ALCAM: variants seen among roughly 807,000 people sequenced by gnomAD.
ALCAM encodes CD166 antigen.
ALCAM carries 30 observed loss-of-function variants against 70.9 expected under a neutral mutation model. That is an observed-to-expected ratio of 0.42 (90% CI 0.32 to 0.57). The LOEUF is 0.57. ALCAM is among the 20% of genes least tolerant of loss of function. The probability of loss-of-function intolerance (pLI) is 0.11; values close to 1 mark genes in which losing one functional copy is unlikely to be tolerated. For synonymous variants in ALCAM, 249 were observed against 242.5 expected (o/e 1.03, Z -0.25); for missense variants, 591 against 695.1 (o/e 0.85, Z 1.68).
At chr3:105,501,357 T>C (rs1257054188) in intron 1 of ALCAM, among the ~76,000 whole-genome samples, 1 of 152,230 alleles carries the variant, frequency 6.6e-6, no homozygotes, top group Non-Finnish European at 1.5e-5. Context: ...TATGTGCTTA[T>C]AGAAATAACA....
At chr3:105,445,056 AT>A (rs1393641278) in intron 1 of ALCAM, among the ~76,000 whole-genome samples, 2 of 152,224 alleles carry the variant, frequency 1.3e-5, no homozygotes, top group African/African-American at 4.8e-5. Flanking sequence ...TCATAATGCT[AT>A]TTATAATGAG....
chr3:105,373,835 T>C (rs1438928118), intron 1 of ALCAM, among the ~76,000 whole-genome samples: 1 of 152,156 alleles, frequency 6.6e-6, no homozygotes, highest in African/African-American at 2.4e-5. Flanking sequence ...AGAATTAAAC[T>C]CCATATGGCA....
intron 1 of ALCAM, among the ~76,000 whole-genome samples, chr3:105,402,344 G>A (rs1370952152): frequency 6.6e-6 from 1 of 152,088 alleles, no homozygotes. Flanking sequence ...ATTGCTCCAA[G>A]AACTACAGCA....
chr3:105,549,628 T>G (rs1940343552), intron 11 of ALCAM, among the ~76,000 whole-genome samples: 1 of 151,386 alleles, frequency 6.6e-6, no homozygotes. Flanking sequence ...TCCTCTGTAT[T>G]TACAACAGAA....
intron 1 of ALCAM, among the ~76,000 whole-genome samples, chr3:105,435,884 G>A (rs1489517924): frequency 5.9e-5 from 9 of 151,686 alleles, no homozygotes; most frequent in South Asian, 2.1e-4. Flanking sequence ...TCCGCCTCCC[G>A]GGTTCACGCC....
intron 1 of ALCAM, among the ~76,000 whole-genome samples, chr3:105,402,020 A>G (rs1936102284): frequency 6.6e-6 from 1 of 152,134 alleles, no homozygotes; most frequent in Non-Finnish European, 1.5e-5. Flanking sequence ...AACTTGGGGT[A>G]GTGAATGATG....
At chr3:105,539,700 TA>T (rs1428857967) in intron 6 of ALCAM, among the ~76,000 whole-genome samples, 2 of 152,056 alleles carry the variant, frequency 1.3e-5, no homozygotes, top group African/African-American at 4.8e-5. Context: ...CTTTTATACA[TA>T]AAATAATTAC....
At chr3:105,430,120 A>C (rs1005650163) in intron 1 of ALCAM, among the ~76,000 whole-genome samples, 2 of 151,988 alleles carry the variant, frequency 1.3e-5, no homozygotes, top group Admixed American at 1.3e-4. Flanking sequence ...TTAATTTTGG[A>C]ATATTTTTAA....
At chr3:105,405,642 G>T (rs987416446) in intron 1 of ALCAM, among the ~76,000 whole-genome samples, 1 of 152,114 alleles carries the variant, frequency 6.6e-6, no homozygotes, top group African/African-American at 2.4e-5. Context: ...CAAGACAGAT[G>T]ATATAATAGG....
intron 1 of ALCAM, among the ~76,000 whole-genome samples, chr3:105,411,478 G>T (rs1230024655): frequency 6.6e-6 from 1 of 152,058 alleles, no homozygotes; most frequent in East Asian, 1.9e-4. Context: ...AATAGGAATA[G>T]TAACAATGGC....
At chr3:105,545,926 C>T (rs988476132) in intron 9 of ALCAM, among the ~76,000 whole-genome samples, 1 of 151,398 alleles carries the variant, frequency 6.6e-6, no homozygotes, top group Admixed American at 6.6e-5. Flanking sequence ...AAAGCAATCC[C>T]TTTTATCCCT....
intron 1 of ALCAM, among the ~76,000 whole-genome samples, chr3:105,487,363 G>C (rs1216692674): frequency 6.6e-6 from 1 of 152,076 alleles, no homozygotes; most frequent in East Asian, 1.9e-4. Context: ...TAGCTGCACA[G>C]AACTTCCATC....
chr3:105,475,434 A>C (rs1938082699), intron 1 of ALCAM, among the ~76,000 whole-genome samples: 2 of 151,974 alleles, frequency 1.3e-5, no homozygotes, highest in South Asian at 4.1e-4. Flanking sequence ...CATTCTGTTC[A>C]TCTGCTTCAG....
chr3:105,510,286 G>A (rs949749155), intron 1 of ALCAM, among the ~76,000 whole-genome samples: 7 of 152,042 alleles, frequency 4.6e-5, no homozygotes, highest in South Asian at 2.1e-4. Context: ...CGGGGTATCC[G>A]TGAGCTATAA....
intron 1 of ALCAM, among the ~76,000 whole-genome samples, chr3:105,488,089 C>T (rs1938480419): frequency 6.6e-6 from 1 of 152,124 alleles, no homozygotes; most frequent in South Asian, 2.1e-4. Flanking sequence ...CCTGGGAGAA[C>T]TGCTTGTTTA....
chr3:105,485,721 C>T (rs1938411048), intron 1 of ALCAM, among the ~76,000 whole-genome samples: 1 of 151,900 alleles, frequency 6.6e-6, no homozygotes, highest in African/African-American at 2.4e-5. Flanking sequence ...TGTAAGTGAT[C>T]ATTTTTACCT....
chr3:105,399,942 G>A (rs1434931360), intron 1 of ALCAM, among the ~76,000 whole-genome samples: 1 of 152,128 alleles, frequency 6.6e-6, no homozygotes, highest in Non-Finnish European at 1.5e-5. Flanking sequence ...TTAAAAAGTA[G>A]CAAACATTGT....
At chr3:105,573,270 T>C (rs1482811023) in intron 15 of ALCAM, among the ~76,000 whole-genome samples, 2 of 152,156 alleles carry the variant, frequency 1.3e-5, no homozygotes, top group South Asian at 2.1e-4. Flanking sequence ...GGGGTTGCAG[T>C]GAGCCAAGAT....
At chr3:105,532,137 C>A in intron 4 of ALCAM, 71 bp downstream of exon 4, 3 of 1,281,256 alleles carry the variant, frequency 2.3e-6, no homozygotes, top group South Asian at 1.3e-5. Context: ...CCTTACATTC[C>A]AAGACAAGTA....
Sources: gnomAD v4.1 joint callset for allele counts (sites outside exome capture counted in the v4.1 genomes callset) on GRCh38, gnomAD v4.1.1 for gene constraint, MANE v1.5 for transcripts, NCBI Gene and HGNC (gene_info 2026-07-23, HGNC 2026-07-21) for gene names.